The following LRP1B variants were observed in gnomAD, a reference collection of about 807,000 sequenced individuals.
The protein encoded by LRP1B is LDL receptor related protein 1B.
In LRP1B, 217 loss-of-function variants were observed where a neutral mutation model predicts 556.6. The ratio of observed to expected loss-of-function variants is 0.39; its 90% CI spans 0.35 to 0.44. The LOEUF is 0.44. Ranked by LOEUF, LRP1B falls within the 20% of genes least tolerant of loss-of-function variation. The probability of loss-of-function intolerance (pLI) is 1.00; values close to 1 mark genes in which losing one functional copy is unlikely to be tolerated. For missense variants in LRP1B, 5,053 were observed against 5,620.8 expected, an observed-to-expected ratio of 0.90 and a Z score of 3.23; for synonymous variants, 2,047 against 1,865.8, an observed-to-expected ratio of 1.10 and a Z score of -2.50.
chr2:141,447,428 T>C (rs917476704), intron 3 of LRP1B, among the ~76,000 whole-genome samples: 3 of 152,058 alleles, frequency 2.0e-5, no homozygotes, highest in South Asian at 2.1e-4. Context: ...TTTGTCAAAC[T>C]CATTCTCCAT....
rs772472942 is a variant in LRP1B at position 141,517,029 on chromosome 2, A to AAAAC, written c.206-36497_206-36496insGTTT. Among the ~76,000 whole-genome samples, 297 of 90,166 alleles carry AAAAC rather than the reference A, an allele frequency of 3.3e-3. 43 individuals are homozygous for AAAAC. Among genetic ancestry groups the AAAAC allele is most frequent in the Middle Eastern group, 8.5e-3 (1 of 118 alleles). 59.2% of individuals were successfully genotyped at this position (90,166 alleles called of 152,430 possible). ...TAAAAAAAAAAAAAAAAAAAAAAAA[A>AAAAC]AAAGTAAATCAATGAAATAATTTAA... On this transcript the variant is annotated intron_variant, in intron 2 of 90. Coordinates refer to ENST00000389484, the MANE Select transcript of LRP1B (RefSeq NM_018557.3).
Position 141,254,714 on chromosome 2 carries a change from A to G in LRP1B, c.344-73T>C, listed in dbSNP as rs1395191239. ...AATAGTTTGTATTTCTCAGTGTACAATCCTTACACTATAGTCTTGATTGTT... is the reference window on the plus strand; with the variant it reads ...AATAGTTTGTATTTCTCAGTGTACAGTCCTTACACTATAGTCTTGATTGTT... On this transcript the variant is annotated intron_variant, in intron 3 of 90. Transcript: ENST00000389484. The G allele has an allele frequency of 9.2e-6, 11 of 1,190,250 alleles. No homozygotes were observed. The African/African-American group carries it at 9.3e-5, about 10-fold the overall frequency. 73.7% of individuals were successfully genotyped at this position (1,190,250 alleles called of 1,614,324 possible).
At chr2:141,726,074 A>T (rs1041059599) in intron 2 of LRP1B, among the ~76,000 whole-genome samples, 1 of 151,676 alleles carries the variant, frequency 6.6e-6, no homozygotes, top group Non-Finnish European at 1.5e-5. Flanking sequence ...AAAAGAAAAA[A>T]TTAGAAAATA....
chr2:141,022,638 C>A (rs369278283), intron 11 of LRP1B, among the ~76,000 whole-genome samples: 1 of 151,890 alleles, frequency 6.6e-6, no homozygotes, highest in South Asian at 2.1e-4. Context: ...AATAATGACT[C>A]TATGAACAAA....
Position 141,597,029 on chromosome 2 carries a change from G to A in LRP1B, c.206-116496C>T, listed in dbSNP as rs550925049. Reference sequence around the variant, plus strand: ...TGTGTGTGCATATATATACATACACGCACAAACACATAAGTTCTGACATTT... The same window carrying A: ...TGTGTGTGCATATATATACATACACACACAAACACATAAGTTCTGACATTT... On this transcript the variant is annotated intron_variant, in intron 2 of 90. Transcript: ENST00000389484. Among the ~76,000 whole-genome samples the A allele has an allele frequency of 3.2e-4, 47 of 147,552 alleles. 1 individual carries two copies. Among genetic ancestry groups the A allele is most frequent in the South Asian group, 1.9e-3 (9 of 4,622 alleles).
Position 141,270,548 on chromosome 2 carries a change from C to T in LRP1B, c.344-15907G>A, listed in dbSNP as rs138705231. On this transcript the variant is annotated intron_variant, in intron 3 of 90. Transcript: ENST00000389484. ...AATTCACCACCCAAATGTCTACTGA[C>T]AGATGAATGAATTAACATAATATAG... Among the ~76,000 whole-genome samples, 226 of 152,084 alleles carry T rather than the reference C, an allele frequency of 1.5e-3. 1 individual carries two copies. The highest frequency in any genetic ancestry group is 5.0e-3 in the African/African-American group (209 of 41,510).
At chr2:140,691,569 C>G (rs1325488945) in intron 41 of LRP1B, among the ~76,000 whole-genome samples, 1 of 151,110 alleles carries the variant, frequency 6.6e-6, no homozygotes. Flanking sequence ...CTATTATTCA[C>G]AAGTTTGAAT....
intron 1 of LRP1B, among the ~76,000 whole-genome samples, chr2:142,100,517 G>A (rs1001150423): frequency 2.6e-5 from 4 of 151,936 alleles, no homozygotes; most frequent in African/African-American, 9.7e-5. Flanking sequence ...TGGGAAGTGG[G>A]CATTCAGTGA....
At chr2:140,263,553 G>A (rs1282557731) in intron 86 of LRP1B, among the ~76,000 whole-genome samples, 1 of 152,040 alleles carries the variant, frequency 6.6e-6, no homozygotes, top group African/African-American at 2.4e-5. Flanking sequence ...ACTATCAGCA[G>A]CAAGGAGAAA....
chr2:141,641,705 A>G (rs891962928), intron 2 of LRP1B, among the ~76,000 whole-genome samples: 7 of 152,154 alleles, frequency 4.6e-5, no homozygotes, highest in African/African-American at 1.4e-4. Context: ...ATATTACCAG[A>G]CTGCAAAAGA....
At chr2:141,641,203 T>C (rs1689319995) in intron 2 of LRP1B, among the ~76,000 whole-genome samples, 1 of 84,888 alleles carries the variant, frequency 1.2e-5, no homozygotes, top group Admixed American at 1.1e-4. Context: ...GGTAGCTCAG[T>C]TGGTTACAGT....
chr2:141,644,350 T>C (rs1558776249), intron 2 of LRP1B, among the ~76,000 whole-genome samples: 1 of 151,912 alleles, frequency 6.6e-6, no homozygotes, highest in Non-Finnish European at 1.5e-5. Context: ...TCGCATAAGA[T>C]CTCTCTCTTG....
chr2:141,918,787 C>T (rs1262370308), intron 1 of LRP1B, among the ~76,000 whole-genome samples: 2 of 152,122 alleles, frequency 1.3e-5, no homozygotes, highest in Non-Finnish European at 2.9e-5. Context: ...CTCTTCTCTT[C>T]AGATTTCCCC....
intron 2 of LRP1B, among the ~76,000 whole-genome samples, chr2:141,806,408 A>T (rs1247680083): frequency 3.3e-5 from 5 of 152,092 alleles, no homozygotes; most frequent in Non-Finnish European, 7.4e-5. Flanking sequence ...TTATTTAGAC[A>T]CTTGAAAAAT....
Position 141,805,062 on chromosome 2 carries a change from G to T in LRP1B, c.205+5217C>A, listed in dbSNP as rs74932578. 2.6e-3 allele frequency among the ~76,000 whole-genome samples: 392 copies of T among 152,158 alleles called. 1 individual carries two copies. Among genetic ancestry groups the T allele is most frequent in the African/African-American group, 9.0e-3 (375 of 41,526 alleles). ...CAAATATTGTTTTGGAAAGCAAAAG[G>T]TCTTGTTGACAATACTCATTGCCCC... On this transcript the variant is annotated intron_variant, in intron 2 of 90. Coordinates refer to ENST00000389484, the MANE Select transcript of LRP1B (RefSeq NM_018557.3).
chr2:140,897,942 A>AC (rs1693998693), intron 23 of LRP1B, among the ~76,000 whole-genome samples: 1 of 151,870 alleles, frequency 6.6e-6, no homozygotes, highest in Non-Finnish European at 1.5e-5. Context: ...CTCCTAATAA[A>AC]CCCCACTTCA....
chr2:141,539,979 A>G (rs967223519), intron 2 of LRP1B, among the ~76,000 whole-genome samples: 3 of 152,098 alleles, frequency 2.0e-5, no homozygotes, highest in African/African-American at 4.8e-5. Flanking sequence ...CAGACAATGT[A>G]TGTTACTATA....
intron 5 of LRP1B, among the ~76,000 whole-genome samples, chr2:141,246,087 C>T (rs1313077120): frequency 6.6e-6 from 1 of 151,944 alleles, no homozygotes; most frequent in Non-Finnish European, 1.5e-5. Flanking sequence ...AATGGCAATG[C>T]TATAAAGAAA....
intron 21 of LRP1B, among the ~76,000 whole-genome samples, chr2:140,917,392 C>G (rs1694611570): frequency 6.6e-6 from 1 of 152,100 alleles, no homozygotes; most frequent in African/African-American, 2.4e-5. Context: ...CAAAAGCCTG[C>G]ATGTAGATAT....
Sources: gnomAD v4.1 joint callset for allele counts (sites outside exome capture counted in the v4.1 genomes callset) on GRCh38, gnomAD v4.1.1 for gene constraint, MANE v1.5 for transcripts, NCBI Gene and HGNC (gene_info 2026-07-23, HGNC 2026-07-21) for gene names.